ELAVL2: variants seen among roughly 807,000 people sequenced by gnomAD.
ELAVL2 encodes ELAV-like protein 2.
Under a neutral mutation model 34.6 loss-of-function variants are expected in ELAVL2, and 4 were observed. The ratio of observed to expected loss-of-function variants is 0.12; its 90% CI spans 0.06 to 0.26. The LOEUF (loss-of-function observed/expected upper bound fraction) is 0.26, where lower values mean the gene tolerates loss of function less well. ELAVL2 is among the 10% of genes least tolerant of loss of function. The pLI is 1.00. For synonymous variants in ELAVL2, 193 were observed against 154.8 expected (o/e 1.25, Z -1.83); for missense variants, 432 against 442.8 (o/e 0.98, Z 0.22).
chr9:23,813,275 A>G (rs1391274386), intron 1 of ELAVL2, among the ~76,000 whole-genome samples: 1 of 152,168 alleles, frequency 6.6e-6, no homozygotes, highest in Non-Finnish European at 1.5e-5. Flanking sequence ...TACGGCACAC[A>G]TAGGAGAGGG....
At chr9:23,706,490 G>A (rs1393691080) in intron 3 of ELAVL2, among the ~76,000 whole-genome samples, 1 of 152,116 alleles carries the variant, frequency 6.6e-6, no homozygotes, top group Non-Finnish European at 1.5e-5. Flanking sequence ...AATTGTAATT[G>A]ATGACTCTCT....
intron 4 of ELAVL2, among the ~76,000 whole-genome samples, chr9:23,702,584 T>TA (rs369905257): frequency 0.012 from 1,670 of 141,444 alleles, 5 homozygotes; most frequent in African/African-American, 0.018. Flanking sequence ...TGGAGGAGCT[T>TA]AAAAAAAAAA....
chr9:23,830,626 CTTTT>C (rs1166898887), upstream of ELAVL2, among the ~76,000 whole-genome samples: 1 of 72,550 alleles, frequency 1.4e-5, no homozygotes, highest in Non-Finnish European at 3.3e-5. Context: ...ACACACACAC[CTTTT>C]TTTTTTTTTT....
chr9:23,785,897 A>G (rs1229000795), intron 1 of ELAVL2, among the ~76,000 whole-genome samples: 1 of 152,228 alleles, frequency 6.6e-6, no homozygotes, highest in Admixed American at 6.5e-5. Flanking sequence ...TTACATTCCC[A>G]AAGAATAGAT....
rs2033308695 is a variant in ELAVL2 at position 23,691,978 on chromosome 9, T to A, written c.*579A>T. 1 of 152,642 alleles carries A rather than the reference T, an allele frequency of 6.6e-6. No homozygotes were observed. Among genetic ancestry groups the A allele is most frequent in the South Asian group, 2.1e-4 (1 of 4,834 alleles). The allele number at this position is 152,642 out of a possible 1,614,324, so 9.5% of individuals were successfully genotyped here. On this transcript the variant is annotated 3_prime_UTR_variant, in exon 7 of 7. Coordinates refer to ENST00000397312, the MANE Select transcript of ELAVL2 (RefSeq NM_004432.5). ...TGCTTTACGAAAAGTTCTCCAGTATTCTTACAATAAGCGTTTATAATGTAG... is the reference window on the plus strand; with the variant it reads ...TGCTTTACGAAAAGTTCTCCAGTATACTTACAATAAGCGTTTATAATGTAG...
chr9:23,844,681 G>A, the ELAVL2 span, among the ~76,000 whole-genome samples: 1 of 151,764 alleles, frequency 6.6e-6, no homozygotes. Flanking sequence ...AATGACCTCA[G>A]GTTTCATTAA....
At chr9:23,756,981 C>G (rs1239135819) in intron 2 of ELAVL2, among the ~76,000 whole-genome samples, 1 of 152,104 alleles carries the variant, frequency 6.6e-6, no homozygotes, top group African/African-American at 2.4e-5. Context: ...TCATGAGACA[C>G]AGTCTGATTC....
At chr9:23,724,132 G>A (rs905291726) in intron 3 of ELAVL2, among the ~76,000 whole-genome samples, 1 of 152,186 alleles carries the variant, frequency 6.6e-6, no homozygotes, top group Non-Finnish European at 1.5e-5. Context: ...CCCCTGTGGA[G>A]CATGCTTAGG....
chr9:23,794,614 A>G (rs2060693063), intron 1 of ELAVL2, among the ~76,000 whole-genome samples: 1 of 152,196 alleles, frequency 6.6e-6, no homozygotes, highest in Non-Finnish European at 1.5e-5. Context: ...AACCATTTTT[A>G]CATCAAATAA....
At chr9:23,742,105 A>G (rs1405962006) in intron 2 of ELAVL2, among the ~76,000 whole-genome samples, 1 of 152,176 alleles carries the variant, frequency 6.6e-6, no homozygotes, top group Non-Finnish European at 1.5e-5. Flanking sequence ...AGATTAATAC[A>G]ACACACCAAC....
intron 2 of ELAVL2, among the ~76,000 whole-genome samples, chr9:23,750,236 T>C (rs2051582197): frequency 6.6e-6 from 1 of 152,068 alleles, no homozygotes; most frequent in Admixed American, 6.6e-5. Flanking sequence ...AGGACTAGCT[T>C]TGTATGTTCT....
At chr9:23,698,401 C>G (rs1430013653) in intron 5 of ELAVL2, among the ~76,000 whole-genome samples, 1 of 152,190 alleles carries the variant, frequency 6.6e-6, no homozygotes, top group African/African-American at 2.4e-5. Flanking sequence ...ACCTCACAAA[C>G]CCACCTTTAA....
At chr9:23,760,368 C>T (rs906526993) in intron 2 of ELAVL2, among the ~76,000 whole-genome samples, 9 of 151,946 alleles carry the variant, frequency 5.9e-5, no homozygotes, top group Admixed American at 5.9e-4. Flanking sequence ...GGGAGCTCTA[C>T]TAAGCAATCA....
At chr9:23,729,373 C>T (rs2045999902) in intron 3 of ELAVL2, among the ~76,000 whole-genome samples, 1 of 152,124 alleles carries the variant, frequency 6.6e-6, no homozygotes, top group African/African-American at 2.4e-5. Flanking sequence ...CTGCAAAAAT[C>T]TGCTGTAGGA....
intron 1 of ELAVL2, among the ~76,000 whole-genome samples, chr9:23,796,522 C>T (rs1162462220): frequency 6.6e-6 from 1 of 152,266 alleles, no homozygotes; most frequent in Non-Finnish European, 1.5e-5. Flanking sequence ...CAGCTTCACA[C>T]TCTAACGGTA....
Position 23,728,891 on chromosome 9 carries a change from A to G in ELAVL2, c.333+2131T>C, listed in dbSNP as rs2045889634. 3.3e-5 allele frequency among the ~76,000 whole-genome samples: 5 copies of G among 152,120 alleles called. No homozygotes were observed. In the South Asian group the frequency reaches 1.0e-3, roughly 32 times the overall value. ...TTATCTGATATTTTTACAGGAACCA[A>G]ATAGGGGCGGGGAAAGAAGTAGCCT... On this transcript the variant is annotated intron_variant, in intron 3 of 6. Transcript: ENST00000397312.
chr9:23,704,285 T>C (rs1408041398), intron 4 of ELAVL2, among the ~76,000 whole-genome samples: 1 of 152,158 alleles, frequency 6.6e-6, no homozygotes, highest in Non-Finnish European at 1.5e-5. Context: ...TTAAAATTCA[T>C]AATCAAATCT....
intron 1 of ELAVL2, among the ~76,000 whole-genome samples, chr9:23,790,909 C>T (rs1377348979): frequency 6.6e-6 from 1 of 152,194 alleles, no homozygotes; most frequent in Non-Finnish European, 1.5e-5. Context: ...TCTACATGTT[C>T]TCTAAGTACA....
intron 1 of ELAVL2, among the ~76,000 whole-genome samples, chr9:23,771,277 C>G (rs2057259056): frequency 6.6e-6 from 1 of 152,070 alleles, no homozygotes; most frequent in Non-Finnish European, 1.5e-5. Context: ...AATCCATTGT[C>G]AAAAAACTGG....
Sources: gnomAD v4.1 joint callset for allele counts (sites outside exome capture counted in the v4.1 genomes callset) on GRCh38, gnomAD v4.1.1 for gene constraint, MANE v1.5 for transcripts, NCBI Gene and HGNC (gene_info 2026-07-23, HGNC 2026-07-21) for gene names.